Variants in NCOA3 observed in about 807,000 individuals in gnomAD.
NCOA3 encodes the protein CBP-interacting protein.
NCOA3 carries 51 observed loss-of-function variants against 158.8 expected under a neutral mutation model. The observed-to-expected ratio is 0.32, with a 90% CI of 0.26 to 0.41. The LOEUF (loss-of-function observed/expected upper bound fraction) is 0.41, where lower values mean the gene tolerates loss of function less well. Among genes scored for constraint, NCOA3 ranks in the 10% least tolerant of loss-of-function variants. The pLI is 1.00. For synonymous variants in NCOA3, 537 were observed against 592.4 expected (o/e 0.91, Z 1.36); for missense variants, 1,510 against 1,746.6 (o/e 0.86, Z 2.41).
At chr20:47,556,179 C>T (rs1316525098) in intron 1 of NCOA3, among the ~76,000 whole-genome samples, 1 of 152,054 alleles carries the variant, frequency 6.6e-6, no homozygotes, top group Non-Finnish European at 1.5e-5. Context: ...AAGCATTCCA[C>T]CCGCCTTGGC....
chr20:47,525,256 T>C (rs1433146529), intron 1 of NCOA3, among the ~76,000 whole-genome samples: 4 of 151,556 alleles, frequency 2.6e-5, no homozygotes. Flanking sequence ...GGGGGTAAGG[T>C]CACCGATCAA....
chr20:47,596,278 A>G (rs1248265242), intron 2 of NCOA3, among the ~76,000 whole-genome samples: 2 of 152,168 alleles, frequency 1.3e-5, no homozygotes, highest in African/African-American at 4.8e-5. Context: ...TAGCTTTCCA[A>G]AAATATAATG....
intron 1 of NCOA3, among the ~76,000 whole-genome samples, chr20:47,523,512 G>GC (rs1021754406): frequency 2.6e-5 from 4 of 152,198 alleles, no homozygotes; most frequent in Non-Finnish European, 4.4e-5. Context: ...AGACGTATAA[G>GC]CAAGAGAGTG....
intron 2 of NCOA3, among the ~76,000 whole-genome samples, chr20:47,597,761 T>C (rs1363384305): frequency 3.3e-5 from 5 of 150,704 alleles, no homozygotes; most frequent in African/African-American, 1.2e-4. Context: ...AGTGCTGGGA[T>C]TACAGGTGTG....
chr20:47,636,560 A>G lies in NCOA3; in HGVS notation c.2174A>G (p.Glu725Gly). 6.2e-7 allele frequency: 1 copy of G among 1,614,184 alleles called. No individual in the cohort carries two copies. Among genetic ancestry groups the G allele is most frequent in the Non-Finnish European group, 8.5e-7 (1 of 1,180,032 alleles). ...GGGGACGGAAATGTTGTCAAGCAGGAGCAGCTAAGTCCTAAGAAGAAGGAG... is the reference window on the plus strand; with the variant it reads ...GGGGACGGAAATGTTGTCAAGCAGGGGCAGCTAAGTCCTAAGAAGAAGGAG... ...SCGDGNVVKQ[E>G]QLSPKKKENN... Residue 725 changes from glutamate (E) to glycine (G), a missense_variant, in exon 12 of 23, where the codon GAG (glutamate) becomes GGG (glycine). Coordinates refer to ENST00000371998, the MANE Select transcript of NCOA3 (RefSeq NM_181659.3).
At chr20:47,511,546 T>TAC (rs1347188795) in intron 1 of NCOA3, among the ~76,000 whole-genome samples, 1 of 29,166 alleles carries the variant, frequency 3.4e-5, no homozygotes, top group Non-Finnish European at 1.1e-4. Flanking sequence ...TATATATATA[T>TAC]ATATATATAT....
chr20:47,519,420 A>G (rs2084289775), intron 1 of NCOA3, among the ~76,000 whole-genome samples: 1 of 147,986 alleles, frequency 6.8e-6, no homozygotes, highest in Non-Finnish European at 1.5e-5. Flanking sequence ...TGACAGAGCG[A>G]GACTCCATCT....
In NCOA3 at chr20:47,651,235, C is replaced by T; in HGVS notation, c.3905C>T (p.Pro1302Leu). 6.2e-7 allele frequency: 1 copy of T among 1,613,046 alleles called. No individual in the cohort carries two copies. The highest frequency in any genetic ancestry group is 8.5e-7 in the Non-Finnish European group (1 of 1,179,078). ...MDGLLAGPTM[P>L]QAPPQQFPYQ... The stretch of plus-strand genomic sequence containing the variant: ...GGGCTTTTGGCAGGACCCACAATGC[C>T]ACAAGCTCCTCCGCAACAGTTTCCA... The change falls in exon 20 of 23, where the codon CCA (proline) becomes CTA (leucine). Residue 1302 changes from proline to leucine, a missense_variant. By Grantham distance (98) the Pro-to-Leu change is moderately conservative. Transcript: ENST00000371998.
chr20:47,521,027 A>T (rs1374380969), intron 1 of NCOA3, among the ~76,000 whole-genome samples: 1 of 152,156 alleles, frequency 6.6e-6, no homozygotes, highest in African/African-American at 2.4e-5. Context: ...TCAGAATTTG[A>T]CCACCAAGGA....
At chr20:47,580,121 G>C (rs1031516773) in intron 1 of NCOA3, among the ~76,000 whole-genome samples, 6 of 152,134 alleles carry the variant, frequency 3.9e-5, no homozygotes, top group African/African-American at 1.4e-4. Context: ...GTCCAAGGGT[G>C]CAGATTGGCA....
intron 18 of NCOA3, 123 bp from the exon 19 acceptor site, chr20:47,648,882 G>A (rs978364897): frequency 1.8e-5 from 11 of 612,280 alleles, no homozygotes; most frequent in Admixed American, 8.8e-5. Context: ...CAGTTTAGAC[G>A]TGACTTAGCC....
chr20:47,540,256 G>T (rs1026642217), intron 1 of NCOA3, among the ~76,000 whole-genome samples: 1 of 152,118 alleles, frequency 6.6e-6, no homozygotes, highest in African/African-American at 2.4e-5. Flanking sequence ...CTTTGAAATG[G>T]ATTTTTCCTA....
At chr20:47,587,559 G>A (rs979073095) in intron 2 of NCOA3, among the ~76,000 whole-genome samples, 2 of 152,156 alleles carry the variant, frequency 1.3e-5, no homozygotes, top group Non-Finnish European at 2.9e-5. Flanking sequence ...AGTAGCAATT[G>A]TATTTGCATA....
intron 1 of NCOA3, among the ~76,000 whole-genome samples, chr20:47,532,374 T>C (rs2084560798): frequency 1.3e-5 from 2 of 151,620 alleles, no homozygotes; most frequent in African/African-American, 4.9e-5. Context: ...TGGAGGACAG[T>C]GAACAAAGAC....
intron 1 of NCOA3, among the ~76,000 whole-genome samples, chr20:47,527,280 G>T (rs1332734240): frequency 6.6e-6 from 1 of 151,750 alleles, no homozygotes. Context: ...GATGTTATGG[G>T]TCTGCTGATC....
In NCOA3 at chr20:47,627,974, A is replaced by C. The variant is rs1447773485; in HGVS notation, c.774A>C (p.Arg258Ser). ...CACGCCGCATTACTACAGGAGAAAG[A>C]ACATTTCCATCAAACCCTGAGAGCT... The part of the protein sequence containing the change: ...CVARRITTGE[R>S]TFPSNPESFI... The change falls in exon 8 of 23, where the codon AGA becomes AGC. Residue 258 changes from arginine (R) to serine (S), a missense_variant. By Grantham distance (110) the Arg-to-Ser change is moderately radical. This residue lies in a region of NCOA3 where 309 missense variants were observed against 427.1 expected (regional missense o/e 0.72). Transcript: ENST00000371998. 6.2e-7 allele frequency: 1 copy of C among 1,614,066 alleles called. No homozygotes were observed. Among genetic ancestry groups the C allele is most frequent in the Non-Finnish European group, 8.5e-7 (1 of 1,179,992 alleles).
chr20:47,598,050 C>A (rs914583732), intron 2 of NCOA3, among the ~76,000 whole-genome samples: 2 of 150,848 alleles, frequency 1.3e-5, no homozygotes, highest in African/African-American at 4.9e-5. Context: ...TTGAGACCAT[C>A]CTGGCTAACG....
rs1156245162 is a variant in NCOA3 at position 47,625,445 on chromosome 20, TA to T, written c.322del (p.Ile108LeufsTer6). ...ADVSSTGQGV[I>X]DKDSLGPLLL... is the part of the protein sequence containing the mutation. ...ATGTATCTTCTACAGGGCAGGGAGT[TA>T]TTGATAAAGACTCCTTAGGACCGCT... On this transcript the variant is annotated frameshift_variant, in exon 5 of 23. Transcript: ENST00000371998. LOFTEE classifies it high-confidence loss of function. 6.2e-7 allele frequency: 1 copy of T among 1,613,396 alleles called. No homozygotes were observed. The highest frequency in any genetic ancestry group is 8.5e-7 in the Non-Finnish European group (1 of 1,179,540).
chr20:47,594,217 G>T (rs1300171106), intron 2 of NCOA3, among the ~76,000 whole-genome samples: 1 of 152,116 alleles, frequency 6.6e-6, no homozygotes, highest in African/African-American at 2.4e-5. Context: ...TCTTCATAAT[G>T]ACCAGTTCAC....
Sources: allele counts gnomAD v4.1 joint callset (sites outside exome capture counted in the v4.1 genomes callset), GRCh38; gene constraint gnomAD v4.1.1; regional missense constraint gnomAD v4.1.1; transcripts MANE v1.5; gene names NCBI Gene and HGNC (gene_info 2026-07-23, HGNC 2026-07-21).